C18orf63: variants seen among roughly 807,000 people sequenced by gnomAD.
C18orf63 encodes uncharacterized protein C18orf63.
Under a neutral mutation model 75.3 loss-of-function variants are expected in C18orf63, and 50 were observed. The observed-to-expected ratio is 0.66, with a 90% CI of 0.53 to 0.84. The LOEUF (loss-of-function observed/expected upper bound fraction) is 0.84, where lower values mean the gene tolerates loss of function less well. Among genes scored for constraint, C18orf63 ranks in the 40% least tolerant of loss-of-function variants. C18orf63 has a pLI of 0.00. For missense variants in C18orf63, 732 were observed against 800.2 expected, an observed-to-expected ratio of 0.91 and a Z score of 1.03; for synonymous variants, 232 against 267.6, an observed-to-expected ratio of 0.87 and a Z score of 1.30.
At chr18:74,354,715 G>A (rs1984734394) in intron 13 of C18orf63, among the ~76,000 whole-genome samples, 169 bp downstream of exon 13, 1 of 152,150 alleles carries the variant, frequency 6.6e-6, no homozygotes, top group Non-Finnish European at 1.5e-5. Context: ...CTTGAATAAG[G>A]ACCATACACA....
At position 74,327,955 on chromosome 18, in the gene C18orf63, T is replaced by G. The variant is rs774767025; in HGVS notation, c.279T>G (p.Ala93=). 9 of 1,532,484 alleles carry G rather than the reference T, an allele frequency of 5.9e-6. No homozygotes were observed. In the South Asian group the frequency reaches 9.5e-5, roughly 16 times the overall value. The allele number at this position is 1,532,484 out of a possible 1,614,324, so 94.9% of individuals were successfully genotyped here. The part of the protein sequence containing the change: ...YVEKYGAKME[A]PQRVIPVILQ... ...CCATTTAATATTTTTAGATGGAGGC[T>G]CCACAAAGAGTAATTCCTGTAATTC... The change falls in exon 5 of 14, where the codon GCT becomes GCG. Residue 93 remains alanine, a synonymous_variant. Coordinates refer to ENST00000579455, the MANE Select transcript of C18orf63 (RefSeq NM_001174123.2).
chr18:74,335,348 TTATTA>T (rs1437840339), intron 7 of C18orf63, among the ~76,000 whole-genome samples: 1 of 152,132 alleles, frequency 6.6e-6, no homozygotes, highest in Non-Finnish European at 1.5e-5. Flanking sequence ...TTGAAGCAGT[TTATTA>T]TAATTCATTA....
Position 74,348,505 on chromosome 18 carries a change from A to G in C18orf63, c.979-4741A>G, listed in dbSNP as rs552169046. 2.6e-5 allele frequency among the ~76,000 whole-genome samples: 4 copies of G among 152,218 alleles called. No homozygotes were observed. In the South Asian group the frequency reaches 8.3e-4, roughly 32 times the overall value. ...TCATTTTCATTTAATTATTGCTTTA[A>G]TATTAAGCTTCTGTGAAATATTCGT... On this transcript the variant is annotated intron_variant, in intron 11 of 13. Transcript: ENST00000579455.
chr18:74,319,604 C>T (rs1200327534), intron 2 of C18orf63, among the ~76,000 whole-genome samples: 1 of 152,082 alleles, frequency 6.6e-6, no homozygotes, highest in Non-Finnish European at 1.5e-5. Flanking sequence ...AAACCACTAC[C>T]CAGTTCTTTC....
At chr18:74,320,728 G>T in intron 3 of C18orf63, 137 bp downstream of exon 3, 1 of 507,300 alleles carries the variant, frequency 2.0e-6, no homozygotes, top group South Asian at 3.5e-5. Context: ...CAGGTTAATT[G>T]GATTATTAAC....
Position 74,336,519 on chromosome 18 carries a change from A to G in C18orf63, c.502-2196A>G, listed in dbSNP as rs919715501. Among the ~76,000 whole-genome samples the G allele has an allele frequency of 1.2e-4, 19 of 152,104 alleles. No homozygotes were observed. In the East Asian group the frequency reaches 3.1e-3, roughly 25 times the overall value. On this transcript the variant is annotated intron_variant, in intron 7 of 13. Transcript: ENST00000579455. ...ATTTTTCTAGAATCTCCTGGAATTC[A>G]TTTATCTTCATTCATTTATCATTTT...
At chr18:74,335,060 G>C (rs1224987281) in intron 7 of C18orf63, among the ~76,000 whole-genome samples, 1 of 152,042 alleles carries the variant, frequency 6.6e-6, no homozygotes, top group Non-Finnish European at 1.5e-5. Flanking sequence ...TCTCTACCTT[G>C]TTTATCACAT....
rs1040497075 is a variant in C18orf63 at position 74,353,447 on chromosome 18, G to T, written c.1180G>T (p.Gly394Cys). The change falls in exon 12 of 14, where the codon GGT becomes TGT. Residue 394 changes from glycine to cysteine, a missense_variant. Coordinates refer to ENST00000579455, the MANE Select transcript of C18orf63 (RefSeq NM_001174123.2). ...GCATCTCCAGCCAGAGTCTGTTCAG[G>T]GTAGAAAGAAATCCCTGTCTATCAG... is the stretch of plus-strand genomic sequence containing the variant. ...ALHLQPESVQ[G>C]RKKSLSIRAP... 3.9e-6 allele frequency: 6 copies of T among 1,536,126 alleles called. No individual in the cohort carries two copies. The highest frequency in any genetic ancestry group is 5.2e-6 in the Non-Finnish European group (6 of 1,146,954).
intron 10 of C18orf63, among the ~76,000 whole-genome samples, chr18:74,342,738 C>T (rs903006238): frequency 6.6e-6 from 1 of 152,098 alleles, no homozygotes; most frequent in East Asian, 1.9e-4. Context: ...ATTTTATAGG[C>T]AAATTTTCGA....
At chr18:74,345,635 C>T (rs1217381794) in intron 11 of C18orf63, among the ~76,000 whole-genome samples, 2 of 152,018 alleles carry the variant, frequency 1.3e-5, no homozygotes, top group Non-Finnish European at 2.9e-5. Flanking sequence ...ATTCTTACCC[C>T]AGTACTTTTT....
chr18:74,335,569 T>C (rs1322972530), intron 7 of C18orf63, among the ~76,000 whole-genome samples: 1 of 152,146 alleles, frequency 6.6e-6, no homozygotes, highest in African/African-American at 2.4e-5. Context: ...ATTGAGATTA[T>C]AATTGAATCC....
chr18:74,329,900 A>T (rs1365958724), intron 6 of C18orf63, among the ~76,000 whole-genome samples: 1 of 152,186 alleles, frequency 6.6e-6, no homozygotes, highest in East Asian at 1.9e-4. Flanking sequence ...TTATTAATCA[A>T]TCATGGTAGC....
chr18:74,346,197 T>C (rs761451684), intron 11 of C18orf63, among the ~76,000 whole-genome samples: 1 of 152,192 alleles, frequency 6.6e-6, no homozygotes, highest in Non-Finnish European at 1.5e-5. Context: ...TTATTAACTT[T>C]CTAAGATATG....
rs1984722871 is a variant in C18orf63 at position 74,354,162 on chromosome 18, T to C, written c.1895T>C (p.Ile632Thr). 1 of 1,536,048 alleles carries C rather than the reference T, an allele frequency of 6.5e-7. No homozygotes were observed. Among genetic ancestry groups the C allele is most frequent in the Admixed American group, 2.0e-5 (1 of 50,958 alleles). ...GACCACAGGTTGATAGTAAGCAAAA[T>C]AGCCCACAGGTCTAAAAGAAAATTA... is the stretch of plus-strand genomic sequence containing the variant. Reference protein sequence around the residue: ...TSDHRLIVSKIAHRSKRKLCP... With the variant: ...TSDHRLIVSKTAHRSKRKLCP... The change falls in exon 12 of 14, where the codon ATA (isoleucine) becomes ACA (threonine). Residue 632 changes from isoleucine to threonine, a missense_variant. Around this residue, in one of 3 missense-constraint regions of C18orf63, gnomAD observed 495 missense variants for 508.7 expected, o/e 0.97. Transcript: ENST00000579455.
In C18orf63 at chr18:74,333,824, G is replaced by A. The variant is rs1984348328; in HGVS notation, c.501+2882G>A. ...TAGTAGAGCTTTCTGGGCATGGAAG[G>A]AAACACCAAAAATTGGGCAATAACA... On this transcript the variant is annotated intron_variant, in intron 7 of 13. Coordinates refer to ENST00000579455, the MANE Select transcript of C18orf63 (RefSeq NM_001174123.2). Among the ~76,000 whole-genome samples the A allele has an allele frequency of 2.0e-5, 3 of 152,084 alleles. No individual in the cohort carries two copies. The South Asian group carries it at 6.2e-4, about 32-fold the overall frequency.
At chr18:74,335,135 C>A (rs1984370640) in intron 7 of C18orf63, among the ~76,000 whole-genome samples, 1 of 152,128 alleles carries the variant, frequency 6.6e-6, no homozygotes, top group Non-Finnish European at 1.5e-5. Context: ...TCTTATTAAT[C>A]TTTCTATCAT....
rs58362707 is a variant in C18orf63, at chr18:74,341,270, C to CAAAA, written c.612-732_612-729dup. Among the ~76,000 whole-genome samples, 113 of 59,010 alleles carry CAAAA rather than the reference C, an allele frequency of 1.9e-3. 8 individuals are homozygous for CAAAA. Among genetic ancestry groups the CAAAA allele is most frequent in the Non-Finnish European group, 2.1e-3 (76 of 35,490 alleles). The allele number at this position is 59,010 out of a possible 152,430, so 38.7% of individuals were successfully genotyped here. On this transcript the variant is annotated intron_variant, in intron 8 of 13. Transcript: ENST00000579455. ...TGGGCGACAGAGCGAGACTCCGTCTCAAAAAAAAAAAAAAAAAAAAAAAAA... is the reference window on the plus strand; with the variant it reads ...TGGGCGACAGAGCGAGACTCCGTCTCAAAAAAAAAAAAAAAAAAAAAAAAAAAAA...
chr18:74,343,267 T>C (rs74334418), intron 10 of C18orf63, among the ~76,000 whole-genome samples: 6,363 of 152,206 alleles, frequency 0.042, 284 homozygotes, highest in East Asian at 0.17. Flanking sequence ...CACAGTTGCC[T>C]TTCCATTTAG....
intron 2 of C18orf63, among the ~76,000 whole-genome samples, chr18:74,319,233 T>C (rs189576177): frequency 2.0e-5 from 3 of 152,202 alleles, no homozygotes; most frequent in East Asian, 1.9e-4. Context: ...AGTGGGGTTA[T>C]CTTCACTCAC....
Sources: gnomAD v4.1 joint callset for allele counts (sites outside exome capture counted in the v4.1 genomes callset) on GRCh38, gnomAD v4.1.1 for gene constraint, gnomAD v4.1.1 regional missense constraint, MANE v1.5 for transcripts, NCBI Gene and HGNC (gene_info 2026-07-23, HGNC 2026-07-21) for gene names.